Variants in ELMOD2 observed in about 807,000 individuals in gnomAD.
ELMOD2 encodes the protein ELMO domain containing 2.
Under a neutral mutation model 41.0 loss-of-function variants are expected in ELMOD2, and 28 were observed. That is an observed-to-expected ratio of 0.68 (90% confidence interval 0.51 to 0.94). The LOEUF is 0.94. ELMOD2 is among the 40% of genes least tolerant of loss of function. The pLI is 0.00. For missense variants in ELMOD2, 333 were observed against 343.1 expected (o/e 0.97, Z 0.23); for synonymous variants, 106 against 107.2 (o/e 0.99, Z 0.07).
At chr4:140,540,116 T>A (rs1377936038) in intron 5 of ELMOD2, 52 bp from the exon 6 acceptor site, 1 of 1,585,786 alleles carries the variant, frequency 6.3e-7, no homozygotes, top group Non-Finnish European at 8.6e-7. Flanking sequence ...AAATTACTAG[T>A]TACAAGCTAT....
chr4:140,543,667 C>A, intron 8 of ELMOD2, 81 bp downstream of exon 8: 1 of 1,084,796 alleles, frequency 9.2e-7, no homozygotes, highest in East Asian at 3.0e-5. Context: ...ATATTTTAAT[C>A]TGTTGTCTCT....
chr4:140,541,017 A>G (rs769303704), intron 6 of ELMOD2, among the ~76,000 whole-genome samples: 3 of 152,200 alleles, frequency 2.0e-5, no homozygotes, highest in Non-Finnish European at 4.4e-5. Flanking sequence ...CTGACTTGGT[A>G]TAGACTACCG....
intron 3 of ELMOD2, among the ~76,000 whole-genome samples, chr4:140,532,141 A>G (rs981935397): frequency 1.3e-5 from 2 of 151,992 alleles, no homozygotes; most frequent in Non-Finnish European, 2.9e-5. Flanking sequence ...TAATACATAA[A>G]AAGGATAATA....
chr4:140,531,014 G>C (rs1322300836), intron 3 of ELMOD2, among the ~76,000 whole-genome samples: 1 of 152,088 alleles, frequency 6.6e-6, no homozygotes, highest in African/African-American at 2.4e-5. Flanking sequence ...AACAGTCTAA[G>C]AGAATGCCCA....
At chr4:140,526,181 T>C (rs1197324807) in intron 2 of ELMOD2, among the ~76,000 whole-genome samples, 1 of 152,226 alleles carries the variant, frequency 6.6e-6, no homozygotes. Context: ...TTGTTTATAT[T>C]CTTTGTATGT....
chr4:140,525,454 T>G lies in ELMOD2; in HGVS notation c.26T>G (p.Phe9Cys), dbSNP rs780908581. Residue 9 changes from phenylalanine to cysteine, a missense_variant, in exon 2 of 9, where the codon TTC becomes TGC. Coordinates refer to ENST00000323570, the MANE Select transcript of ELMOD2 (RefSeq NM_153702.4). ...ATGTTTATTTCTTTGTGGGAGTTCT[T>G]CTATGGGCACTTTTTTCGATTTTGG... MFISLWEF[F>C]YGHFFRFWMK... is the part of the protein sequence containing the mutation. The G allele has an allele frequency of 1.9e-6, 3 of 1,613,900 alleles. No individual in the cohort carries two copies. The highest frequency in any genetic ancestry group is 2.5e-6 in the Non-Finnish European group (3 of 1,179,918).
Position 140,549,681 on chromosome 4 carries a change from C to CTTTTT in ELMOD2, c.737-523_737-519dup, listed in dbSNP as rs10538089. Among the ~76,000 whole-genome samples the CTTTTT allele has an allele frequency of 2.6e-4, 11 of 42,934 alleles. 1 individual carries two copies. The highest frequency in any genetic ancestry group is 8.0e-4 in the Admixed American group (2 of 2,486). The allele number at this position is 42,934 out of a possible 152,430, so 28.2% of individuals were successfully genotyped here. On this transcript the variant is annotated intron_variant, in intron 8 of 8. Transcript: ENST00000323570. Reference sequence around the variant, plus strand: ...AAGGTATCTTTTGAAAGTACTACATCTTTTTTTTTTTTTTTTTTTTTTTTT... The same window carrying CTTTTT: ...AAGGTATCTTTTGAAAGTACTACATCTTTTTTTTTTTTTTTTTTTTTTTTTTTTTT...
At chr4:140,547,511 A>G (rs978762186) in intron 8 of ELMOD2, among the ~76,000 whole-genome samples, 12 of 152,080 alleles carry the variant, frequency 7.9e-5, no homozygotes, top group African/African-American at 2.4e-4. Context: ...TTTTAGCTGG[A>G]CTTCTGGTTT....
At chr4:140,527,239 T>C (rs944434301) in intron 2 of ELMOD2, among the ~76,000 whole-genome samples, 1 of 152,160 alleles carries the variant, frequency 6.6e-6, no homozygotes, top group Non-Finnish European at 1.5e-5. Context: ...GGTAATGAGG[T>C]TGGTGTCACC....
At chr4:140,540,071 C>A in intron 5 of ELMOD2, 97 bp from the exon 6 acceptor site, 1 of 1,397,522 alleles carries the variant, frequency 7.2e-7, no homozygotes, top group South Asian at 1.5e-5. Context: ...TTTGCTTAAC[C>A]TATGGTTTTT....
At chr4:140,543,616 C>T (rs1735175594) in intron 8 of ELMOD2, 30 bp downstream of exon 8, 1 of 1,523,780 alleles carries the variant, frequency 6.6e-7, no homozygotes, top group Non-Finnish European at 8.8e-7. Context: ...AAAACTAGAT[C>T]TTTCTAAGAT....
chr4:140,532,201 G>A (rs1734772844), intron 3 of ELMOD2, among the ~76,000 whole-genome samples: 1 of 144,270 alleles, frequency 6.9e-6, no homozygotes, highest in Non-Finnish European at 1.5e-5. Context: ...GCCTTGCTCT[G>A]TTGACCAGGC....
chr4:140,545,886 TG>T (rs1336580696), intron 8 of ELMOD2, among the ~76,000 whole-genome samples: 1 of 152,174 alleles, frequency 6.6e-6, no homozygotes, highest in Non-Finnish European at 1.5e-5. Flanking sequence ...ACACTGTTGA[TG>T]GGACTGTAAA....
At chr4:140,531,462 G>A (rs1416861703) in intron 3 of ELMOD2, among the ~76,000 whole-genome samples, 2 of 152,192 alleles carry the variant, frequency 1.3e-5, no homozygotes, top group Non-Finnish European at 2.9e-5. Context: ...ATGGAGCAAA[G>A]CTCCACTGTA....
At chr4:140,530,922 T>C (rs1734726721) in intron 3 of ELMOD2, among the ~76,000 whole-genome samples, 1 of 152,178 alleles carries the variant, frequency 6.6e-6, no homozygotes, top group Non-Finnish European at 1.5e-5. Context: ...GTTGTTTGAC[T>C]GTGTACAAGT....
chr4:140,543,993 T>TG (rs1205024460), intron 8 of ELMOD2, among the ~76,000 whole-genome samples: 4 of 152,138 alleles, frequency 2.6e-5, no homozygotes, highest in Non-Finnish European at 4.4e-5. Context: ...CGCCTCCCCC[T>TG]GCCTTGAATT....
rs1028480630 is a variant in ELMOD2, at chr4:140,540,221, G to A, written c.453G>A (p.Gln151=). ...AGTTAAACGCTAGAATCTCCAAGCA[G>A]TGGGCTGAAATTGGTTTTCAGGGTG... The part of the protein sequence containing the change: ...TKKLNARISK[Q]WAEIGFQGDD... The change falls in exon 6 of 9, where the codon CAG becomes CAA. Residue 151 remains glutamine (Q), a synonymous_variant. Coordinates refer to ENST00000323570, the MANE Select transcript of ELMOD2 (RefSeq NM_153702.4). The A allele has an allele frequency of 6.2e-7, 1 of 1,614,156 alleles. No individual in the cohort carries two copies. The highest frequency in any genetic ancestry group is 1.1e-5 in the South Asian group (1 of 91,088).
chr4:140,548,649 T>A (rs1346616846), intron 8 of ELMOD2, among the ~76,000 whole-genome samples: 1 of 152,134 alleles, frequency 6.6e-6, no homozygotes, highest in African/African-American at 2.4e-5. Flanking sequence ...ACTGTGTGAT[T>A]TGGGGCACAT....
At chr4:140,536,773 T>A (rs1354115104) in intron 4 of ELMOD2, among the ~76,000 whole-genome samples, 2 of 152,116 alleles carry the variant, frequency 1.3e-5, no homozygotes, top group African/African-American at 2.4e-5. Context: ...GCAGAAGGAA[T>A]AAAGAATAGG....
Sources: gnomAD v4.1 joint callset for allele counts (sites outside exome capture counted in the v4.1 genomes callset) on GRCh38, gnomAD v4.1.1 for gene constraint, MANE v1.5 for transcripts, NCBI Gene and HGNC (gene_info 2026-07-23, HGNC 2026-07-21) for gene names.